Variants in ANO6 observed in about 807,000 individuals in gnomAD.
ANO6 encodes the protein anoctamin-6.
Under a neutral mutation model 117.5 loss-of-function variants are expected in ANO6, and 106 were observed. The ratio of observed to expected loss-of-function variants is 0.90; its 90% CI spans 0.77 to 1.06. The LOEUF (loss-of-function observed/expected upper bound fraction) is 1.06. Ranked by LOEUF, ANO6 falls within the 50% of genes least tolerant of loss-of-function variation. ANO6 has a pLI of 0.00. For synonymous variants in ANO6, 367 were observed against 385.1 expected (o/e 0.95, Z 0.55); for missense variants, 955 against 1,121.1 (o/e 0.85, Z 2.12).
chr12:45,327,000 A>C (rs992265068), intron 2 of ANO6, among the ~76,000 whole-genome samples: 1 of 152,154 alleles, frequency 6.6e-6, no homozygotes, highest in Non-Finnish European at 1.5e-5. Flanking sequence ...TCCCATACTG[A>C]ACCACATGGA....
chr12:45,252,170 C>T (rs777153591), intron 1 of ANO6, among the ~76,000 whole-genome samples: 6 of 152,204 alleles, frequency 3.9e-5, no homozygotes, highest in African/African-American at 1.4e-4. Flanking sequence ...CATAAAGAAG[C>T]TTGTGATAGT....
At chr12:45,242,186 A>G (rs575612205) in intron 1 of ANO6, among the ~76,000 whole-genome samples, 11 of 152,366 alleles carry the variant, frequency 7.2e-5, no homozygotes, top group African/African-American at 2.6e-4. Flanking sequence ...GGTGGAGTCT[A>G]TAGAGGCAGT....
chr12:45,429,536 G>A lies in ANO6; in HGVS notation c.*225G>A, dbSNP rs932669352. ...AACTTATCACCCGGAAAACCTCAAT[G>A]TTACCTTTTTCTGATAAATTGGAAT... On this transcript the variant is annotated 3_prime_UTR_variant, in exon 20 of 20. Transcript: ENST00000320560. 2.2e-6 allele frequency: 3 copies of A among 1,337,718 alleles called. No homozygotes were observed. Among genetic ancestry groups the A allele is most frequent in the Non-Finnish European group, 2.9e-6 (3 of 1,044,102 alleles). 82.9% of individuals were successfully genotyped at this position (1,337,718 alleles called of 1,614,324 possible).
At position 45,317,342 on chromosome 12, in the gene ANO6, A is replaced by G. The variant is rs1006141782; in HGVS notation, c.151-13953A>G. 8.8e-5 allele frequency among the ~76,000 whole-genome samples: 11 copies of G among 125,444 alleles called. No homozygotes were observed. The South Asian group carries it at 1.0e-3, about 12-fold the overall frequency. The allele number at this position is 125,444 out of a possible 152,430, so 82.3% of individuals were successfully genotyped here. ...TGTGTCCAGGTGTTCTCATTGTTCAATTCCCACCTATGAGTGAGAACATGA... is the reference window on the plus strand; with the variant it reads ...TGTGTCCAGGTGTTCTCATTGTTCAGTTCCCACCTATGAGTGAGAACATGA... On this transcript the variant is annotated intron_variant, in intron 2 of 19. Transcript: ENST00000320560.
At position 45,430,628 on chromosome 12, in the gene ANO6, CAGGCAGTTA is replaced by C. The variant is rs1360702601; in HGVS notation, c.*1320_*1328del. On this transcript the variant is annotated 3_prime_UTR_variant, in exon 20 of 20. Coordinates refer to ENST00000320560, the MANE Select transcript of ANO6 (RefSeq NM_001025356.3). ...TTTTTTAGCCTCCTCTAGAGCCAAT[CAGGCAGTTA>C]AGAGTAATAAAGGAAAAGGGTTTGG... The C allele has an allele frequency of 2.0e-6, 2 of 985,268 alleles. No individual in the cohort carries two copies. Among genetic ancestry groups the C allele is most frequent in the African/African-American group, 3.5e-5 (2 of 57,232 alleles). 61.0% of individuals were successfully genotyped at this position (985,268 alleles called of 1,614,324 possible).
At chr12:45,386,639 G>A (rs1942306840) in intron 10 of ANO6, among the ~76,000 whole-genome samples, 1 of 152,186 alleles carries the variant, frequency 6.6e-6, no homozygotes, top group Non-Finnish European at 1.5e-5. Context: ...CCATCTGTAC[G>A]TTAAACTCTC....
intron 3 of ANO6, among the ~76,000 whole-genome samples, chr12:45,338,444 C>T (rs1256159554): frequency 6.6e-6 from 1 of 152,024 alleles, no homozygotes; most frequent in Non-Finnish European, 1.5e-5. Flanking sequence ...ACTTGAGCCT[C>T]ATGTTAAGAT....
intron 10 of ANO6, among the ~76,000 whole-genome samples, chr12:45,386,169 A>G (rs1280908054): frequency 6.6e-6 from 1 of 152,194 alleles, no homozygotes; most frequent in Non-Finnish European, 1.5e-5. Flanking sequence ...ATTTTGTAAA[A>G]GCTCCCTGGT....
downstream of ANO6, among the ~76,000 whole-genome samples, chr12:45,435,370 T>C (rs76553499): frequency 0.016 from 2,451 of 152,308 alleles, 60 homozygotes; most frequent in East Asian, 0.1. Flanking sequence ...AAACCACCCC[T>C]CAGTGCAGCC....
At chr12:45,325,058 CAG>C (rs2137381067) in intron 2 of ANO6, among the ~76,000 whole-genome samples, 1 of 144,760 alleles carries the variant, frequency 6.9e-6, no homozygotes, top group South Asian at 2.1e-4. Context: ...TAAGAAGAAT[CAG>C]AGGATGAGCA....
chr12:45,267,318 C>G (rs1165193908), intron 1 of ANO6, among the ~76,000 whole-genome samples: 1 of 152,084 alleles, frequency 6.6e-6, no homozygotes, highest in Non-Finnish European at 1.5e-5. Context: ...AAATTTCTTC[C>G]TCTTTTAAGG....
chr12:45,292,582 G>A (rs1385448444), intron 1 of ANO6: 4 of 948,970 alleles, frequency 4.2e-6, no homozygotes, highest in Non-Finnish European at 5.1e-6. Flanking sequence ...AAAAGCATTA[G>A]GTAATCCAGT....
At chr12:45,397,708 C>A (rs1280188763) in intron 12 of ANO6, among the ~76,000 whole-genome samples, 2 of 152,106 alleles carry the variant, frequency 1.3e-5, no homozygotes, top group Non-Finnish European at 2.9e-5. Context: ...AGCTGGAAAC[C>A]ATCATTCTGA....
rs373941438 is a variant in ANO6, at chr12:45,430,662, G to T, written c.*1351G>T. 49 of 985,386 alleles carry T rather than the reference G, an allele frequency of 5.0e-5. No individual in the cohort carries two copies. In the African/African-American group the frequency reaches 8.4e-4, roughly 17 times the overall value. The allele number at this position is 985,386 out of a possible 1,614,324, so 61.0% of individuals were successfully genotyped here. ...AAGAGTAATAAAGGAAAAGGGTTTG[G>T]TCACAAACCCTACCATTATCTGGAG... On this transcript the variant is annotated 3_prime_UTR_variant, in exon 20 of 20. Transcript: ENST00000320560.
chr12:45,429,126 T>A lies in ANO6; in HGVS notation c.2548T>A (p.Phe850Ile), dbSNP rs1319262408. 6.2e-7 allele frequency: 1 copy of A among 1,613,602 alleles called. No homozygotes were observed. Among genetic ancestry groups the A allele is most frequent in the African/African-American group, 1.3e-5 (1 of 74,886 alleles). The change falls in exon 20 of 20, where the codon TTT becomes ATT. Residue 850 changes from phenylalanine to isoleucine, a missense_variant. Phe to Ile is a conservative substitution (Grantham distance 21). Coordinates refer to ENST00000320560, the MANE Select transcript of ANO6 (RefSeq NM_001025356.3). ...VMEHVIYSVK[F>I]FISYAIPDVS... ...CCAGCACGTCATCTACTCTGTGAAATTTTTCATTTCATATGCAATTCCCGA... is the reference window on the plus strand; with the variant it reads ...CCAGCACGTCATCTACTCTGTGAAAATTTTCATTTCATATGCAATTCCCGA...
chr12:45,429,332 C>T lies in ANO6; in HGVS notation c.*21C>T. 6.2e-7 allele frequency: 1 copy of T among 1,610,284 alleles called. No homozygotes were observed. The highest frequency in any genetic ancestry group is 2.2e-5 in the East Asian group (1 of 44,576). ...AATAAGAGCTTTATGTTCTGAGAAGCACTTTAAGGAATTTAGCTTTGTCAA... is the reference window on the plus strand; with the variant it reads ...AATAAGAGCTTTATGTTCTGAGAAGTACTTTAAGGAATTTAGCTTTGTCAA... On this transcript the variant is annotated 3_prime_UTR_variant, in exon 20 of 20. Coordinates refer to ENST00000320560, the MANE Select transcript of ANO6 (RefSeq NM_001025356.3).
intron 1 of ANO6, among the ~76,000 whole-genome samples, chr12:45,281,992 G>A (rs930104470): frequency 6.6e-6 from 1 of 152,138 alleles, no homozygotes; most frequent in Non-Finnish European, 1.5e-5. Context: ...ATGAAGAGAG[G>A]AAGACAGTCA....
intron 9 of ANO6, among the ~76,000 whole-genome samples, chr12:45,372,728 G>T (rs1235122611): frequency 6.6e-6 from 1 of 152,080 alleles, no homozygotes; most frequent in South Asian, 2.1e-4. Flanking sequence ...ACATGGAAAG[G>T]AACAACCAGT....
intron 12 of ANO6, among the ~76,000 whole-genome samples, chr12:45,401,308 A>G (rs1180093226): frequency 1.3e-5 from 2 of 152,260 alleles, no homozygotes; most frequent in Non-Finnish European, 2.9e-5. Flanking sequence ...AAGGAAATGT[A>G]GCTCCCTCAT....
Sources: gnomAD v4.1 joint callset for allele counts (sites outside exome capture counted in the v4.1 genomes callset) on GRCh38, gnomAD v4.1.1 for gene constraint, MANE v1.5 for transcripts, NCBI Gene and HGNC (gene_info 2026-07-23, HGNC 2026-07-21) for gene names.